Variants in VCF1 observed in about 807,000 individuals in gnomAD.
VCF1 encodes the protein VCP nuclear cofactor family member 1.
At chr17:73,207,623 T>C in the VCF1 span, 1 of 1,105,814 alleles carries the variant, frequency 9.0e-7, no homozygotes, top group South Asian at 1.3e-5. Flanking sequence ...TATCTTCCCT[T>C]TTAGTTGGGT....
At chr17:73,225,899 A>AT in the VCF1 span, among the ~76,000 whole-genome samples, 511 of 114,838 alleles carry the variant, frequency 4.4e-3, no homozygotes, top group Non-Finnish European at 6.3e-3. Flanking sequence ...ATATATATAT[A>AT]TTTTTTTTTT....
chr17:73,210,920 T>C, the VCF1 span, among the ~76,000 whole-genome samples: 2 of 152,242 alleles, frequency 1.3e-5, no homozygotes, highest in Admixed American at 6.5e-5. Flanking sequence ...ATTTTACAAT[T>C]TTACTATTGC....
At chr17:73,213,269 G>A in the VCF1 span, among the ~76,000 whole-genome samples, 2 of 151,944 alleles carry the variant, frequency 1.3e-5, no homozygotes, top group African/African-American at 4.8e-5. Context: ...TGTTTACTGG[G>A]CCTTGTTTAT....
At chr17:73,208,131 G>T in the VCF1 span, 1 of 1,483,572 alleles carries the variant, frequency 6.7e-7, no homozygotes, top group Non-Finnish European at 8.9e-7. Flanking sequence ...TGTCACAAAG[G>T]CTCATGCTGT....
chr17:73,218,786 G>A, the VCF1 span, among the ~76,000 whole-genome samples: 35 of 152,246 alleles, frequency 2.3e-4, 1 homozygote, highest in Admixed American at 1.5e-3. Flanking sequence ...TTGGGAGGCC[G>A]AGGCGGGCGG....
chr17:73,222,402 G>T, the VCF1 span, among the ~76,000 whole-genome samples: 1 of 151,504 alleles, frequency 6.6e-6, no homozygotes, highest in Non-Finnish European at 1.5e-5. Context: ...TTATAGCTAA[G>T]ATCATATCAT....
At chr17:73,213,220 G>A in the VCF1 span, among the ~76,000 whole-genome samples, 1 of 143,652 alleles carries the variant, frequency 7.0e-6, no homozygotes, top group East Asian at 2.1e-4. Flanking sequence ...CTCCAGCCTG[G>A]CAACAAAGCA....
chr17:73,212,653 T>C, the VCF1 span: 1 of 1,576,094 alleles, frequency 6.3e-7, no homozygotes. Context: ...AACAAACAGG[T>C]CACTACACTC....
chr17:73,231,788 G>C, the VCF1 span, among the ~76,000 whole-genome samples: 1 of 151,700 alleles, frequency 6.6e-6, no homozygotes, highest in African/African-American at 2.4e-5. Flanking sequence ...GAAAGCTTTA[G>C]GGCCACCGTC....
the VCF1 span, chr17:73,208,497 T>G: frequency 6.2e-7 from 1 of 1,602,816 alleles, no homozygotes; most frequent in African/African-American, 1.3e-5. Context: ...TACCACATTA[T>G]TTCTTCTAAA....
chr17:73,214,249 T>C, the VCF1 span, among the ~76,000 whole-genome samples: 4 of 150,842 alleles, frequency 2.7e-5, no homozygotes, highest in African/African-American at 7.3e-5. Context: ...ACACAATCTA[T>C]AGATGGACCA....
At chr17:73,210,670 C>T in the VCF1 span, among the ~76,000 whole-genome samples, 1 of 151,970 alleles carries the variant, frequency 6.6e-6, no homozygotes, top group African/African-American at 2.4e-5. Context: ...AAGCTCACTG[C>T]AGCCTCAATC....
the VCF1 span, among the ~76,000 whole-genome samples, chr17:73,231,616 T>C: frequency 6.6e-6 from 1 of 152,160 alleles, no homozygotes; most frequent in African/African-American, 2.4e-5. Context: ...AGTTCTTCGG[T>C]CTAACCGAAT....
At chr17:73,224,745 T>C in the VCF1 span, among the ~76,000 whole-genome samples, 3 of 152,226 alleles carry the variant, frequency 2.0e-5, no homozygotes, top group Non-Finnish European at 2.9e-5. Flanking sequence ...ATATTCCCTC[T>C]GCCTTTTGCT....
the VCF1 span, among the ~76,000 whole-genome samples, chr17:73,211,330 A>G: frequency 1.3e-5 from 2 of 151,608 alleles, no homozygotes; most frequent in Non-Finnish European, 1.5e-5. Flanking sequence ...ATACAAAAAA[A>G]TTGGCCGGGT....
chr17:73,208,070 GCC>G, the VCF1 span: 1 of 1,405,254 alleles, frequency 7.1e-7, no homozygotes, highest in South Asian at 1.5e-5. Context: ...GGAGAGAAGT[GCC>G]TGTGTCTACC....
chr17:73,207,713 C>CTGTT, the VCF1 span: 7 of 1,291,966 alleles, frequency 5.4e-6, no homozygotes, highest in South Asian at 8.6e-5. Context: ...ACGATGCCAA[C>CTGTT]TGTTAAGCCT....
chr17:73,232,021 G>A, the VCF1 span: 14 of 1,470,894 alleles, frequency 9.5e-6, no homozygotes, highest in South Asian at 1.7e-4. Flanking sequence ...CATTTCGCGC[G>A]CCCCCTCGGC....
At chr17:73,217,677 G>T in the VCF1 span, among the ~76,000 whole-genome samples, 1,149 of 151,624 alleles carry the variant, frequency 7.6e-3, 14 homozygotes, top group African/African-American at 0.026. Flanking sequence ...ATAAAGGCCA[G>T]GCGCAGTGGC....
Sources: allele counts gnomAD v4.1 joint callset (sites outside exome capture counted in the v4.1 genomes callset), GRCh38; gene constraint gnomAD v4.1.1; transcripts MANE v1.5; gene names NCBI Gene and HGNC (gene_info 2026-07-23, HGNC 2026-07-21).